Variants in FRY observed in about 807,000 individuals in gnomAD.
FRY encodes the protein FRY microtubule binding protein, also known as protein furry homolog.
Under a neutral mutation model 348.4 loss-of-function variants are expected in FRY, and 128 were observed. That is an observed-to-expected ratio of 0.37 (90% CI 0.32 to 0.43). The LOEUF is 0.43. Among genes scored for constraint, FRY ranks in the 20% least tolerant of loss-of-function variants. The pLI, the probability that FRY is intolerant of heterozygous loss-of-function variation, is 1.00. For synonymous variants in FRY, 1,370 were observed against 1,374.7 expected, an observed-to-expected ratio of 1.00 and a Z score of 0.08; for missense variants, 2,736 against 3,695.2, an observed-to-expected ratio of 0.74 and a Z score of 6.73.
intron 36 of FRY, 84 bp from the exon 37 acceptor site, chr13:32,224,151 A>T: frequency 1.6e-6 from 2 of 1,268,062 alleles, no homozygotes; most frequent in African/African-American, 1.5e-5. Context: ...ATACATTTTT[A>T]AAATTTATTC....
chr13:32,177,870 A>T (rs1882463679), intron 20 of FRY, among the ~76,000 whole-genome samples: 1 of 152,228 alleles, frequency 6.6e-6, no homozygotes, highest in Non-Finnish European at 1.5e-5. Context: ...TCATATATTC[A>T]TTCAACAAAT....
At chr13:32,131,944 A>G in intron 8 of FRY, 104 bp downstream of exon 8, 1 of 876,068 alleles carries the variant, frequency 1.1e-6, no homozygotes, top group Non-Finnish European at 2.0e-6. Context: ...GTCAATACGG[A>G]GAAACATTCT....
chr13:32,208,737 G>T (rs1246420966), intron 31 of FRY, 116 bp from the exon 32 acceptor site: 2 of 1,268,780 alleles, frequency 1.6e-6, no homozygotes, highest in South Asian at 1.2e-5. Flanking sequence ...GCTCCTGTAT[G>T]TGAAAATGTT....
At chr13:32,271,564 C>T (rs1412463224) in intron 55 of FRY, among the ~76,000 whole-genome samples, 2 of 152,170 alleles carry the variant, frequency 1.3e-5, no homozygotes, top group Admixed American at 1.3e-4. Flanking sequence ...GTTCTGCAGC[C>T]CTGCCTGCAC....
At chr13:32,204,153 A>C (rs1372552795) in intron 31 of FRY, among the ~76,000 whole-genome samples, 1 of 152,156 alleles carries the variant, frequency 6.6e-6, no homozygotes, top group Non-Finnish European at 1.5e-5. Flanking sequence ...TAGTTGTTTG[A>C]CTGTGGGCAA....
intron 4 of FRY, 119 bp downstream of exon 4, chr13:32,117,592 A>C: frequency 1.0e-6 from 1 of 980,428 alleles, no homozygotes; most frequent in Non-Finnish European, 1.6e-6. Context: ...GATGCCTAGC[A>C]GGTGCTGCAG....
chr13:32,098,716 C>T (rs1433642234), intron 2 of FRY, among the ~76,000 whole-genome samples: 1 of 152,008 alleles, frequency 6.6e-6, no homozygotes, highest in Non-Finnish European at 1.5e-5. Context: ...TAGTGTGTAT[C>T]GTGTGTTCTT....
intron 3 of FRY, among the ~76,000 whole-genome samples, chr13:32,109,546 G>A (rs904350428): frequency 1.3e-5 from 2 of 152,168 alleles, no homozygotes; most frequent in African/African-American, 4.8e-5. Context: ...GGTATGCCAG[G>A]CAGCAGGGGT....
At chr13:32,166,783 C>T (rs1161176323) in intron 17 of FRY, among the ~76,000 whole-genome samples, 1 of 152,134 alleles carries the variant, frequency 6.6e-6, no homozygotes, top group African/African-American at 2.4e-5. Flanking sequence ...AGGTGATTTC[C>T]ATTCAGTCTC....
chr13:32,192,639 G>A lies in FRY; in HGVS notation c.3592-1504G>A, dbSNP rs140381192. ...TCACTCCCACCTAGGCCCAAACCCTGTAAGTAAAAAAACATGAAGAAGCCA... is the reference window on the plus strand; with the variant it reads ...TCACTCCCACCTAGGCCCAAACCCTATAAGTAAAAAAACATGAAGAAGCCA... On this transcript the variant is annotated intron_variant, in intron 28 of 60. Transcript: ENST00000542859. 4.4e-4 allele frequency among the ~76,000 whole-genome samples: 67 copies of A among 151,584 alleles called. No individual in the cohort carries two copies. In the East Asian group the frequency reaches 0.013, roughly 29 times the overall value.
chr13:32,047,944 ACT>A (rs1873116820), intron 1 of FRY, among the ~76,000 whole-genome samples: 2 of 151,168 alleles, frequency 1.3e-5, no homozygotes, highest in African/African-American at 4.9e-5. Flanking sequence ...TTTGGACCAA[ACT>A]CTTATCCTGT....
rs189194929 is a variant in FRY at position 32,192,692 on chromosome 13, A to G, written c.3592-1451A>G. 2.8e-3 allele frequency among the ~76,000 whole-genome samples: 430 copies of G among 151,856 alleles called. 2 individuals are homozygous for G. The highest frequency in any genetic ancestry group is 0.01 in the African/African-American group (417 of 41,400). ...ATCTTGCCTTTTCCACCTGGTTTCA[A>G]CTGACAAGAAGAGTGAACAACTTTA... On this transcript the variant is annotated intron_variant, in intron 28 of 60. Coordinates refer to ENST00000542859, the MANE Select transcript of FRY (RefSeq NM_023037.3).
chr13:32,036,235 C>T (rs1872505649), intron 1 of FRY, among the ~76,000 whole-genome samples: 1 of 152,156 alleles, frequency 6.6e-6, no homozygotes. Flanking sequence ...CAAAGGGGTA[C>T]AGATCAAGTG....
intron 57 of FRY, among the ~76,000 whole-genome samples, chr13:32,278,080 G>T (rs1188113870): frequency 6.6e-6 from 1 of 152,174 alleles, no homozygotes; most frequent in Admixed American, 6.5e-5. Flanking sequence ...GTCCAAGTCA[G>T]GTCATGTTGA....
chr13:32,155,354 C>T (rs534745269), intron 14 of FRY, 137 bp from the exon 15 acceptor site: 7 of 713,028 alleles, frequency 9.8e-6, no homozygotes, highest in East Asian at 2.7e-5. Context: ...GATTGCTCTA[C>T]ACTCTTGTGG....
intron 39 of FRY, among the ~76,000 whole-genome samples, chr13:32,226,568 G>A (rs1230850467): frequency 6.6e-6 from 1 of 152,208 alleles, no homozygotes; most frequent in Non-Finnish European, 1.5e-5. Context: ...ACGGGTAATA[G>A]TGGTTTTCAT....
intron 19 of FRY, among the ~76,000 whole-genome samples, chr13:32,174,118 C>G (rs1024212363): frequency 6.6e-6 from 1 of 152,212 alleles, no homozygotes; most frequent in African/African-American, 2.4e-5. Context: ...TGCTATCTTG[C>G]AAGCTGGCAT....
chr13:32,253,672 A>T (rs768395558), intron 50 of FRY, among the ~76,000 whole-genome samples: 1 of 152,174 alleles, frequency 6.6e-6, no homozygotes, highest in Non-Finnish European at 1.5e-5. Context: ...AGTATAAGTT[A>T]TGGGCCTGGT....
chr13:32,273,254 C>T (rs1268789419), intron 55 of FRY, among the ~76,000 whole-genome samples: 3 of 142,086 alleles, frequency 2.1e-5, no homozygotes, highest in Admixed American at 1.4e-4. Flanking sequence ...GACGGAGTCT[C>T]GCTGTCGCCC....
Sources: allele counts gnomAD v4.1 joint callset (sites outside exome capture counted in the v4.1 genomes callset), GRCh38; gene constraint gnomAD v4.1.1; transcripts MANE v1.5; gene names NCBI Gene and HGNC (gene_info 2026-07-23, HGNC 2026-07-21).